PDE2A: variants seen among roughly 807,000 people sequenced by gnomAD.
The protein encoded by PDE2A is phosphodiesterase 2A, also known as cGMP-dependent 3',5'-cyclic phosphodiesterase.
PDE2A carries 53 observed loss-of-function variants against 133.6 expected under a neutral mutation model. The ratio of observed to expected loss-of-function variants is 0.40; its 90% confidence interval spans 0.32 to 0.50. The LOEUF (loss-of-function observed/expected upper bound fraction) is 0.50. Among genes scored for constraint, PDE2A ranks in the 20% least tolerant of loss-of-function variants. PDE2A has a pLI of 0.73. For synonymous variants in PDE2A, 491 were observed against 490.2 expected (o/e 1.00, Z -0.02); for missense variants, 796 against 1,232.4 (o/e 0.65, Z 5.30).
intron 1 of PDE2A, among the ~76,000 whole-genome samples, chr11:72,647,925 G>A (rs113404533): frequency 6.6e-6 from 1 of 152,218 alleles, no homozygotes; most frequent in African/African-American, 2.4e-5. Flanking sequence ...AGATATGTCT[G>A]TGTATCTATA....
rs768310488 is a variant in PDE2A, at chr11:72,588,947, C to T, written c.940-33G>A. On this transcript the variant is annotated intron_variant, in intron 12 of 30. Coordinates refer to ENST00000334456, the MANE Select transcript of PDE2A (RefSeq NM_002599.5). ...GGCGAGGCAAGTCAGGGCAGGGAAG[C>T]AGGGCGCAGTATGCTTCCCTCCTCC... The T allele has an allele frequency of 1.4e-5, 22 of 1,583,788 alleles. No individual in the cohort carries two copies. In the East Asian group the frequency reaches 5.0e-4, roughly 36 times the overall value.
chr11:72,614,886 G>C (rs1353712673), intron 2 of PDE2A, among the ~76,000 whole-genome samples: 1 of 152,086 alleles, frequency 6.6e-6, no homozygotes. Context: ...GGATAACAAG[G>C]CAGTATGGAC....
At chr11:72,619,054 A>G (rs56821105) in intron 2 of PDE2A, among the ~76,000 whole-genome samples, 7,383 of 100,102 alleles carry the variant, frequency 0.074, 573 homozygotes, top group African/African-American at 0.25. Flanking sequence ...CAGCGTGCGC[A>G]CACACACACA....
chr11:72,631,910 C>T (rs1367079008), intron 2 of PDE2A, among the ~76,000 whole-genome samples: 7 of 152,140 alleles, frequency 4.6e-5, no homozygotes, highest in Middle Eastern at 3.4e-3. Context: ...ACTCAGGCAT[C>T]GGACAGGCGG....
chr11:72,615,275 T>C, intron 2 of PDE2A: 1 of 273,204 alleles, frequency 3.7e-6, no homozygotes. Flanking sequence ...CTATTCCAGC[T>C]CCTGCCTCCT....
chr11:72,612,933 G>C (rs2135373971), intron 2 of PDE2A, among the ~76,000 whole-genome samples: 1 of 152,342 alleles, frequency 6.6e-6, no homozygotes, highest in East Asian at 1.9e-4. Flanking sequence ...CCGTGGGCTA[G>C]ATCTGCATTT....
chr11:72,610,538 A>G (rs945251314), intron 2 of PDE2A, among the ~76,000 whole-genome samples: 1 of 152,130 alleles, frequency 6.6e-6, no homozygotes, highest in Non-Finnish European at 1.5e-5. Flanking sequence ...GGAGGGCAGT[A>G]GTGGGCCTTC....
chr11:72,589,078 C>A (rs1443061549), intron 12 of PDE2A, 97 bp downstream of exon 12: 3 of 1,265,480 alleles, frequency 2.4e-6, no homozygotes, highest in East Asian at 2.4e-5. Flanking sequence ...GTCTTATCTG[C>A]CCCATTCCTA....
chr11:72,626,736 G>A (rs1172972185), intron 2 of PDE2A, among the ~76,000 whole-genome samples: 2 of 152,156 alleles, frequency 1.3e-5, no homozygotes, highest in Non-Finnish European at 2.9e-5. Flanking sequence ...TCCCGCCCCT[G>A]CCTAGTGCTA....
intron 1 of PDE2A, among the ~76,000 whole-genome samples, chr11:72,653,118 G>A (rs529876731): frequency 3.3e-5 from 5 of 152,326 alleles, no homozygotes; most frequent in Admixed American, 6.5e-5. Context: ...GGTGCAGGGC[G>A]GAGGCCATTG....
At chr11:72,618,123 C>T (rs114998473) in intron 2 of PDE2A, among the ~76,000 whole-genome samples, 1,553 of 152,300 alleles carry the variant, frequency 0.01, 24 homozygotes, top group African/African-American at 0.036. Context: ...TGACAGGCTC[C>T]GAGCAAAGTG....
At chr11:72,615,271 CA>C (rs1857409864) in intron 2 of PDE2A, 1 of 277,556 alleles carries the variant, frequency 3.6e-6, no homozygotes, top group Admixed American at 3.3e-5. Flanking sequence ...GCTTCTATTC[CA>C]GCTCCTGCCT....
rs890255686 is a variant in PDE2A at position 72,589,006 on chromosome 11, A to G, written c.940-92T>C. 4 of 1,407,534 alleles carry G rather than the reference A, an allele frequency of 2.8e-6. No individual in the cohort carries two copies. The Admixed American group carries it at 7.3e-5, about 26-fold the overall frequency. 87.2% of individuals were successfully genotyped at this position (1,407,534 alleles called of 1,614,324 possible). On this transcript the variant is annotated intron_variant, in intron 12 of 30. Coordinates refer to ENST00000334456, the MANE Select transcript of PDE2A (RefSeq NM_002599.5). Reference sequence around the variant, plus strand: ...ATCACATTTTGCAACAGGCAGTTCTAAGGGACTCATGCAAGGCTGGAAGCT... The same window carrying G: ...ATCACATTTTGCAACAGGCAGTTCTGAGGGACTCATGCAAGGCTGGAAGCT...
intron 1 of PDE2A, among the ~76,000 whole-genome samples, chr11:72,648,062 G>T (rs139504234): frequency 1.3e-5 from 2 of 152,174 alleles, no homozygotes; most frequent in East Asian, 1.9e-4. Flanking sequence ...TAGCATGTGC[G>T]TGCTTTCACG....
At position 72,605,836 on chromosome 11, in the gene PDE2A, A is replaced by G. The variant is rs117804646; in HGVS notation, c.235-610T>C. 3.4e-3 allele frequency among the ~76,000 whole-genome samples: 509 copies of G among 149,932 alleles called. 2 individuals carry two copies. Among genetic ancestry groups the G allele is most frequent in the Non-Finnish European group, 6.1e-3 (411 of 67,552 alleles). ...CATTCAGGGAGTGGGCAGGGTGCAGAATGGGCTCCCAGGCCTTATAGCAGG... is the reference window on the plus strand; with the variant it reads ...CATTCAGGGAGTGGGCAGGGTGCAGGATGGGCTCCCAGGCCTTATAGCAGG... On this transcript the variant is annotated intron_variant, in intron 3 of 30. Transcript: ENST00000334456.
intron 2 of PDE2A, among the ~76,000 whole-genome samples, chr11:72,635,590 G>T (rs1858640505): frequency 6.6e-6 from 1 of 152,238 alleles, no homozygotes; most frequent in Non-Finnish European, 1.5e-5. Flanking sequence ...AATTGTCCCA[G>T]TTAGAACCCC....
chr11:72,604,287 T>A (rs899375562), intron 4 of PDE2A, among the ~76,000 whole-genome samples: 2 of 152,066 alleles, frequency 1.3e-5, no homozygotes, highest in Non-Finnish European at 2.9e-5. Context: ...CAGCCAGGAG[T>A]CAGAAGACCC....
intron 1 of PDE2A, among the ~76,000 whole-genome samples, chr11:72,668,616 A>G (rs1378117353): frequency 6.6e-6 from 1 of 152,254 alleles, no homozygotes; most frequent in Non-Finnish European, 1.5e-5. Context: ...CAGGGTGTGG[A>G]TTTGGATCAA....
At chr11:72,598,863 C>A in intron 4 of PDE2A, 1 of 985,440 alleles carries the variant, frequency 1.0e-6, no homozygotes, top group Non-Finnish European at 1.2e-6. Context: ...CTCCCACCTT[C>A]CAGCCCCTAC....
Sources: gnomAD v4.1 joint callset for allele counts (sites outside exome capture counted in the v4.1 genomes callset) on GRCh38, gnomAD v4.1.1 for gene constraint, MANE v1.5 for transcripts, NCBI Gene and HGNC (gene_info 2026-07-23, HGNC 2026-07-21) for gene names.